Variants in ENPP7 observed in about 807,000 individuals in gnomAD.
ENPP7 encodes ectonucleotide pyrophosphatase/phosphodiesterase 7, also known as ectonucleotide pyrophosphatase/phosphodiesterase family member 7.
ENPP7 carries 39 observed loss-of-function variants against 33.6 expected under a neutral mutation model. The observed-to-expected ratio is 1.16, with a 90% CI of 0.90 to 1.52. The LOEUF is 1.52. ENPP7 is among the 40% of genes most tolerant of loss of function. ENPP7 has a pLI of 0.00. For synonymous variants in ENPP7, 244 were observed against 274.3 expected (o/e 0.89, Z 1.09); for missense variants, 594 against 641.0 (o/e 0.93, Z 0.79).
Position 79,731,143 on chromosome 17 carries a change from A to G in ENPP7, c.4A>G (p.Arg2Gly). Reference protein sequence around the residue: MRGPAVLLTVAL... With the variant: MGGPAVLLTVAL... ...CTGTCCATCTGGAAGGCCCAGCATG[A>G]GAGGCCCGGCCGTCCTCCTCACTGT... The change falls in exon 1 of 6, where the codon AGA becomes GGA. Residue 2 changes from arginine (R) to glycine (G), a missense_variant. Physicochemically the swap from Arg to Gly is moderately radical, Grantham distance 125 (BLOSUM62 -2). Transcript: ENST00000328313. 4.4e-6 allele frequency: 7 copies of G among 1,607,346 alleles called. No individual in the cohort carries two copies. The highest frequency in any genetic ancestry group is 5.9e-6 in the Non-Finnish European group (7 of 1,178,540).
rs1488798416 is a variant in ENPP7 at position 79,737,458 on chromosome 17, G to T, written c.1246+198G>T. ...GCACCTCATGCATCTCGGGCGGCAC[G>T]AGAGGGCGAGGGGGAGGAGTGGGCA... On this transcript the variant is annotated intron_variant, in intron 4 of 5. Coordinates refer to ENST00000328313, the MANE Select transcript of ENPP7 (RefSeq NM_178543.5). The surrounding 1 kb of genome is among the most constrained non-coding windows in gnomAD (Gnocchi z 5.5). Among the ~76,000 whole-genome samples the T allele has an allele frequency of 6.6e-6, 1 of 152,222 alleles. No individual in the cohort carries two copies. Among genetic ancestry groups the T allele is most frequent in the Non-Finnish European group, 1.5e-5 (1 of 68,020 alleles).
chr17:79,741,710 G>T (rs972119257), intron 5 of ENPP7, 84 bp from the exon 6 acceptor site: 1 of 688,200 alleles, frequency 1.5e-6, no homozygotes. Flanking sequence ...CAGCCGCACC[G>T]CTGCTTCACC....
At position 79,735,448 on chromosome 17, in the gene ENPP7, A is replaced by T. The variant is rs1568486708; in HGVS notation, c.805A>T (p.Thr269Ser). The change falls in exon 3 of 6, where the codon ACC becomes TCC. Residue 269 changes from threonine to serine, a missense_variant. By Grantham distance (58) the Thr-to-Ser change is moderately conservative. This residue lies in a region of ENPP7 where 504 missense variants were observed against 512.8 expected (regional missense o/e 0.98). Transcript: ENST00000328313. This position sits in a 1 kb window ranked among gnomAD's most constrained non-coding sequence, Gnocchi z 5.5. Reference protein sequence around the residue: ...LVEFHKFPNFTFRDIEFELLD... With the variant: ...LVEFHKFPNFSFRDIEFELLD... ...TGAATTCCACAAGTTCCCCAACTTCACCTTCCGGGACATCGAGTTTGAGCT... is the reference window on the plus strand; with the variant it reads ...TGAATTCCACAAGTTCCCCAACTTCTCCTTCCGGGACATCGAGTTTGAGCT... 1 of 1,614,054 alleles carries T rather than the reference A, an allele frequency of 6.2e-7. No individual in the cohort carries two copies. Among genetic ancestry groups the T allele is most frequent in the East Asian group, 2.2e-5 (1 of 44,872 alleles).
In ENPP7 at chr17:79,731,005, C is replaced by T. The variant is rs1357587655; in HGVS notation, c.-135C>T. 107 of 1,004,266 alleles carry T rather than the reference C, an allele frequency of 1.1e-4. No individual in the cohort carries two copies. Among genetic ancestry groups the T allele is most frequent in the Non-Finnish European group, 1.4e-4 (99 of 706,966 alleles). The allele number at this position is 1,004,266 out of a possible 1,614,324, so 62.2% of individuals were successfully genotyped here. ...GGCTGGGGAGCCCACTCCCGAGGTT[C>T]GACCCGGGGATGTGCACAGCCACAT... is the stretch of plus-strand genomic sequence containing the variant. On this transcript the variant is annotated 5_prime_UTR_variant, in exon 1 of 6. Transcript: ENST00000328313.
At position 79,737,428 on chromosome 17, in the gene ENPP7, C is replaced by T. The variant is rs530513078; in HGVS notation, c.1246+168C>T. Among the ~76,000 whole-genome samples, 3 of 152,348 alleles carry T rather than the reference C, an allele frequency of 2.0e-5. No individual in the cohort carries two copies. In the South Asian group the frequency reaches 6.2e-4, roughly 32 times the overall value. On this transcript the variant is annotated intron_variant, in intron 4 of 5. Transcript: ENST00000328313. This position sits in a 1 kb window ranked among gnomAD's most constrained non-coding sequence, Gnocchi z 5.5. ...CACATTCCCACAACACGTGACCTCTCACGAGCACCTCATGCATCTCGGGCG... is the reference window on the plus strand; with the variant it reads ...CACATTCCCACAACACGTGACCTCTTACGAGCACCTCATGCATCTCGGGCG...
At position 79,741,722 on chromosome 17, in the gene ENPP7, G is replaced by A. The variant is rs554567367; in HGVS notation, c.*17-72G>A. The A allele has an allele frequency of 1.3e-4, 116 of 880,464 alleles. No homozygotes were observed. The South Asian group carries it at 5.0e-3, about 38-fold the overall frequency. 54.5% of individuals were successfully genotyped at this position (880,464 alleles called of 1,614,324 possible). ...GTCCAGCCGCACCGCTGCTTCACCT[G>A]TCCCACCAGACCTGCCCTCAGCCTG... On this transcript the variant is annotated intron_variant, in intron 5 of 5. Transcript: ENST00000328313.
Position 79,742,122 on chromosome 17 carries a change from G to A in ENPP7, c.*345G>A, listed in dbSNP as rs782795363. 19 of 207,416 alleles carry A rather than the reference G, an allele frequency of 9.2e-5. No individual in the cohort carries two copies. Among genetic ancestry groups the A allele is most frequent in the Non-Finnish European group, 7.6e-5 (9 of 118,556 alleles). 12.8% of individuals were successfully genotyped at this position (207,416 alleles called of 1,614,324 possible). ...CCACGCGGGGGCGCGCGGGAGCTCTGCGGGCGCTGGAACCTGCAGACCCGG... is the reference window on the plus strand; with the variant it reads ...CCACGCGGGGGCGCGCGGGAGCTCTACGGGCGCTGGAACCTGCAGACCCGG... On this transcript the variant is annotated 3_prime_UTR_variant, in exon 6 of 6. Transcript: ENST00000328313.
rs782227375 is a variant in ENPP7 at position 79,735,477 on chromosome 17, G to A, written c.834G>A (p.Leu278=). The stretch of plus-strand genomic sequence containing the variant: ...TCCGGGACATCGAGTTTGAGCTCCT[G>A]GACTACGGACCAAACGGGATGCTGC... ...FTFRDIEFEL[L]DYGPNGMLLP... is the part of the protein sequence containing the mutation. The change falls in exon 3 of 6, where the codon CTG becomes CTA. Residue 278 remains leucine (L), a synonymous_variant. Transcript: ENST00000328313. The surrounding 1 kb of genome is among the most constrained non-coding windows in gnomAD (Gnocchi z 5.5). 2 of 1,614,094 alleles carry A rather than the reference G, an allele frequency of 1.2e-6. No individual in the cohort carries two copies. Among genetic ancestry groups the A allele is most frequent in the South Asian group, 1.1e-5 (1 of 91,080 alleles).
intron 1 of ENPP7, among the ~76,000 whole-genome samples, chr17:79,732,951 C>T (rs1169248118): frequency 6.6e-6 from 1 of 152,198 alleles, no homozygotes; most frequent in Non-Finnish European, 1.5e-5. Context: ...CTCTCTGTAT[C>T]GCAGATGAGG....
At chr17:79,733,420 T>G in intron 1 of ENPP7, 88 bp from the exon 2 acceptor site, 2 of 1,413,766 alleles carry the variant, frequency 1.4e-6, no homozygotes, top group Non-Finnish European at 2.0e-6. Flanking sequence ...ACCTGGGCTG[T>G]TTTGACTTCG....
chr17:79,734,608 A>G lies in ENPP7; in HGVS notation c.400-435A>G, dbSNP rs1568486192. On this transcript the variant is annotated intron_variant, in intron 2 of 5. Coordinates refer to ENST00000328313, the MANE Select transcript of ENPP7 (RefSeq NM_178543.5). ...TTCTCCTGCCTCAGCCTCCCAAGTA[A>G]CTGGGACTACAGGCGCCCGCCACCA... is the stretch of plus-strand genomic sequence containing the variant. 2.0e-5 allele frequency among the ~76,000 whole-genome samples: 3 copies of G among 151,884 alleles called. No individual in the cohort carries two copies. The South Asian group carries it at 6.3e-4, about 32-fold the overall frequency.
At position 79,738,271 on chromosome 17, in the gene ENPP7, G is replaced by A; in HGVS notation, c.*16+209G>A. On this transcript the variant is annotated intron_variant, in intron 5 of 5. Transcript: ENST00000328313. This position sits in a 1 kb window ranked among gnomAD's most constrained non-coding sequence, Gnocchi z 6.2. The stretch of plus-strand genomic sequence containing the variant: ...CCAGCCTCTCTGCTCTGGGCTTGGA[G>A]GAGGTCTTTCCAGAGCAGACCACCC... The A allele has an allele frequency of 1.8e-6, 1 of 564,022 alleles. No individual in the cohort carries two copies. The allele number at this position is 564,022 out of a possible 1,614,324, so 34.9% of individuals were successfully genotyped here. A position where few individuals can be genotyped will look rare whatever the true frequency, so the allele number is the denominator to read the frequency against.
At position 79,735,628 on chromosome 17, in the gene ENPP7, C is replaced by T; in HGVS notation, c.985C>T (p.Pro329Ser). 6.2e-7 allele frequency: 1 copy of T among 1,613,370 alleles called. No individual in the cohort carries two copies. Among genetic ancestry groups the T allele is most frequent in the Non-Finnish European group, 8.5e-7 (1 of 1,179,708 alleles). ...CTACGCCAACAACCCCAGGGTCACACCCCTGCTGATGTACAGCGACCTTGG... is the reference window on the plus strand; with the variant it reads ...CTACGCCAACAACCCCAGGGTCACATCCCTGCTGATGTACAGCGACCTTGG... ...FHYANNPRVT[P>S]LLMYSDLGYV... The change falls in exon 3 of 6, where the codon CCC (proline) becomes TCC (serine). Residue 329 changes from proline (P) to serine (S), a missense_variant. By Grantham distance (74) the Pro-to-Ser change is moderately conservative. Around this residue, in one of 3 missense-constraint regions of ENPP7, gnomAD observed 504 missense variants for 512.8 expected, o/e 0.98. Coordinates refer to ENST00000328313, the MANE Select transcript of ENPP7 (RefSeq NM_178543.5). The surrounding 1 kb of genome is among the most constrained non-coding windows in gnomAD (Gnocchi z 5.5).
At chr17:79,733,406 G>A (rs1255381399) in intron 1 of ENPP7, 102 bp from the exon 2 acceptor site, 1 of 1,278,272 alleles carries the variant, frequency 7.8e-7, no homozygotes, top group Non-Finnish European at 1.1e-6. Context: ...CAGCACACAG[G>A]GAAACCTGGG....
At position 79,733,559 on chromosome 17, in the gene ENPP7, C is replaced by A; in HGVS notation, c.305C>A (p.Thr102Asn). The A allele has an allele frequency of 6.2e-7, 1 of 1,613,576 alleles. No individual in the cohort carries two copies. Among genetic ancestry groups the A allele is most frequent in the South Asian group, 1.1e-5 (1 of 91,084 alleles). ...GVVHNMYYNT[T>N]SKVKLPYHAT... is the part of the protein sequence containing the mutation. ...GTTCACAACATGTACTACAACACCA[C>A]CAGCAAGGTGAAGCTGCCCTACCAC... The change falls in exon 2 of 6, where the codon ACC becomes AAC. Residue 102 changes from threonine (T) to asparagine (N), a missense_variant. By Grantham distance (65) the Thr-to-Asn change is moderately conservative (BLOSUM62 0). Around this residue, in one of 3 missense-constraint regions of ENPP7, gnomAD observed 504 missense variants for 512.8 expected, o/e 0.98. Coordinates refer to ENST00000328313, the MANE Select transcript of ENPP7 (RefSeq NM_178543.5).
rs781998024 is a variant in ENPP7 at position 79,735,481 on chromosome 17, T to C, written c.838T>C (p.Tyr280His). Residue 280 changes from tyrosine (Y) to histidine (H), a missense_variant, in exon 3 of 6, where the codon TAC becomes CAC. By Grantham distance (83) the Tyr-to-His change is moderately conservative. Around this residue, in one of 3 missense-constraint regions of ENPP7, gnomAD observed 504 missense variants for 512.8 expected, o/e 0.98. Transcript: ENST00000328313. This position sits in a 1 kb window ranked among gnomAD's most constrained non-coding sequence, Gnocchi z 5.5. ...GGACATCGAGTTTGAGCTCCTGGAC[T>C]ACGGACCAAACGGGATGCTGCTCCC... ...FRDIEFELLD[Y>H]GPNGMLLPKE... The C allele has an allele frequency of 2.5e-6, 4 of 1,614,082 alleles. No homozygotes were observed. The South Asian group carries it at 3.3e-5, about 13-fold the overall frequency.
chr17:79,733,016 C>T (rs2094289205), intron 1 of ENPP7, among the ~76,000 whole-genome samples: 1 of 152,196 alleles, frequency 6.6e-6, no homozygotes, highest in African/African-American at 2.4e-5. Flanking sequence ...GGACTTAGTA[C>T]CATGTGCACG....
Position 79,741,987 on chromosome 17 carries a change from G to C in ENPP7, c.*210G>C, listed in dbSNP as rs1905561228. 4.1e-6 allele frequency: 4 copies of C among 984,404 alleles called. No homozygotes were observed. The highest frequency in any genetic ancestry group is 4.8e-6 in the Non-Finnish European group (4 of 828,734). The allele number at this position is 984,404 out of a possible 1,614,324, so 61.0% of individuals were successfully genotyped here. On this transcript the variant is annotated 3_prime_UTR_variant, in exon 6 of 6. Transcript: ENST00000328313. ...TCGCAGCCCAGGTCCAGAGCCCCCG[G>C]CGAGCCGGTCCCATAACCGGCCCCC...
intron 5 of ENPP7, among the ~76,000 whole-genome samples, chr17:79,740,676 C>T (rs574041311): frequency 3.9e-4 from 59 of 152,334 alleles, no homozygotes; most frequent in Admixed American, 2.2e-3. Flanking sequence ...TATTCTCACA[C>T]GGCTTTTCCC....
Sources: allele counts gnomAD v4.1 joint callset (sites outside exome capture counted in the v4.1 genomes callset), GRCh38; gene constraint gnomAD v4.1.1; regional missense constraint gnomAD v4.1.1; non-coding constraint Gnocchi (gnomAD v3.1); transcripts MANE v1.5; gene names NCBI Gene and HGNC (gene_info 2026-07-23, HGNC 2026-07-21).